SUPT20H: variants seen among roughly 807,000 people sequenced by gnomAD.
SUPT20H encodes the protein transcription factor SPT20 homolog.
In SUPT20H, 82 loss-of-function variants were observed where a neutral mutation model predicts 122.8. The observed-to-expected ratio is 0.67, with a 90% CI of 0.56 to 0.80. SUPT20H has a LOEUF of 0.80. Among genes scored for constraint, SUPT20H ranks in the 30% least tolerant of loss-of-function variants. The pLI is 0.00. For synonymous variants in SUPT20H, 291 were observed against 313.0 expected, an observed-to-expected ratio of 0.93 and a Z score of 0.74; for missense variants, 831 against 921.6, an observed-to-expected ratio of 0.90 and a Z score of 1.27.
At position 37,044,096 on chromosome 13, in the gene SUPT20H, A is replaced by T; in HGVS notation, c.378T>A (p.Asp126Glu). Reference sequence around the variant, plus strand: ...TTTGTACCTGAGATTTTTCTAGGAGATCAACCAAAATAGGAGGTAATTCTT... The same window carrying T: ...TTTGTACCTGAGATTTTTCTAGGAGTTCAACCAAAATAGGAGGTAATTCTT... ...DAEELPPILV[D>E]LLEKSQVNIF... The change falls in exon 7 of 26, where the codon GAT (aspartate) becomes GAA (glutamate). Residue 126 changes from aspartate to glutamate, a missense_variant. Coordinates refer to ENST00000350612, the MANE Select transcript of SUPT20H (RefSeq NM_001014286.3). The T allele has an allele frequency of 6.2e-7, 1 of 1,611,958 alleles. No individual in the cohort carries two copies. The highest frequency in any genetic ancestry group is 8.5e-7 in the Non-Finnish European group (1 of 1,179,040).
intron 9 of SUPT20H, among the ~76,000 whole-genome samples, chr13:37,036,329 T>G (rs1594289916): frequency 6.6e-6 from 1 of 150,434 alleles, no homozygotes; most frequent in East Asian, 2.0e-4. Context: ...AAACTGGAGT[T>G]TTTTTTTTTT....
intron 16 of SUPT20H, 60 bp downstream of exon 16, chr13:37,026,144 T>A: frequency 7.0e-7 from 1 of 1,429,770 alleles, no homozygotes; most frequent in South Asian, 1.2e-5. Context: ...CTCTATCCTA[T>A]AAGGGTGAAA....
At position 37,019,367 on chromosome 13, in the gene SUPT20H, C is replaced by G. The variant is rs2139394235; in HGVS notation, c.1847G>C (p.Ser616Thr). ...GVPFGLKNTSSLRPLNLLQLP... is the reference protein window; with the variant it reads ...GVPFGLKNTSTLRPLNLLQLP... ...CTGGAGTAGATTTAAGGGCCTGAGA[C>G]TTGAAGTATTTTTTAAACCAAATGG... The change falls in exon 22 of 26, where the codon AGT (serine) becomes ACT (threonine). Residue 616 changes from serine to threonine, a missense_variant. Coordinates refer to ENST00000350612, the MANE Select transcript of SUPT20H (RefSeq NM_001014286.3). 2 of 1,603,684 alleles carry G rather than the reference C, an allele frequency of 1.2e-6. No individual in the cohort carries two copies. The highest frequency in any genetic ancestry group is 4.5e-5 in the East Asian group (2 of 44,440).
chr13:37,033,355 G>A (rs138539181), intron 10 of SUPT20H, 94 bp downstream of exon 10: 59 of 1,460,700 alleles, frequency 4.0e-5, no homozygotes, highest in Non-Finnish European at 4.5e-5. Flanking sequence ...CACCAAAATC[G>A]GAGCAACCAT....
At chr13:37,045,108 G>C (rs997307563) in intron 6 of SUPT20H, 139 bp downstream of exon 6, 9 of 1,035,426 alleles carry the variant, frequency 8.7e-6, no homozygotes, top group African/African-American at 5.0e-5. Flanking sequence ...AGAAAACTGG[G>C]ATCAAAATCT....
At chr13:37,041,098 C>G (rs1340112637) in intron 7 of SUPT20H, among the ~76,000 whole-genome samples, 2 of 152,152 alleles carry the variant, frequency 1.3e-5, no homozygotes, top group African/African-American at 4.8e-5. Flanking sequence ...AAATTGCCAA[C>G]CAACCTTGCC....
intron 2 of SUPT20H, among the ~76,000 whole-genome samples, chr13:37,049,510 C>G (rs1345300487): frequency 1.3e-5 from 2 of 152,018 alleles, no homozygotes; most frequent in African/African-American, 4.8e-5. Context: ...GAGGCTGAGG[C>G]GGGAGGATCA....
chr13:37,056,028 T>C (rs904721268), intron 1 of SUPT20H, among the ~76,000 whole-genome samples: 1 of 152,112 alleles, frequency 6.6e-6, no homozygotes, highest in African/African-American at 2.4e-5. Flanking sequence ...TGCTCATCAC[T>C]GGCCATCAGA....
At position 37,034,044 on chromosome 13, in the gene SUPT20H, C is replaced by T. The variant is rs569559414; in HGVS notation, c.568-456G>A. On this transcript the variant is annotated intron_variant, in intron 9 of 25. Transcript: ENST00000350612. Reference sequence around the variant, plus strand: ...GATGTATGTTCTCTGACAGCTTCACCGATCCACCACTCCCCAGTGTGGGAT... The same window carrying T: ...GATGTATGTTCTCTGACAGCTTCACTGATCCACCACTCCCCAGTGTGGGAT... Among the ~76,000 whole-genome samples, 144 of 152,226 alleles carry T rather than the reference C, an allele frequency of 9.5e-4. 1 individual carries two copies. Among genetic ancestry groups the T allele is most frequent in the African/African-American group, 3.0e-3 (124 of 41,554 alleles).
At chr13:37,035,907 C>T (rs1594284136) in intron 9 of SUPT20H, among the ~76,000 whole-genome samples, 1 of 152,344 alleles carries the variant, frequency 6.6e-6, no homozygotes, top group Middle Eastern at 3.4e-3. Context: ...TATACTACTA[C>T]ATAAACTTAG....
intron 23 of SUPT20H, 24 bp downstream of exon 23, chr13:37,017,221 T>G (rs1353192685): frequency 6.2e-7 from 1 of 1,613,928 alleles, no homozygotes; most frequent in African/African-American, 1.3e-5. Flanking sequence ...TGTAAAAGCA[T>G]ATGGAAGGCT....
Position 37,040,617 on chromosome 13 carries a change from C to T in SUPT20H, c.472G>A (p.Gly158Ser), listed in dbSNP as rs776425490. The T allele has an allele frequency of 6.2e-7, 1 of 1,614,038 alleles. No homozygotes were observed. Among genetic ancestry groups the T allele is most frequent in the South Asian group, 1.1e-5 (1 of 91,070 alleles). Residue 158 changes from glycine (G) to serine (S), a missense_variant, in exon 8 of 26, where the codon GGT becomes AGT. By Grantham distance (56) the Gly-to-Ser change is moderately conservative. Coordinates refer to ENST00000350612, the MANE Select transcript of SUPT20H (RefSeq NM_001014286.3). The part of the protein sequence containing the change: ...YRQSSNMKSP[G>S]YQSRHILLRP... ...AAGAGAATGTGCCGACTTTGGTAAC[C>T]AGGAGATTTCATGTTACTGGACTGC... is the stretch of plus-strand genomic sequence containing the variant.
At chr13:37,058,847 A>G (rs998161693) in intron 1 of SUPT20H, among the ~76,000 whole-genome samples, 7 of 152,194 alleles carry the variant, frequency 4.6e-5, no homozygotes, top group Non-Finnish European at 8.8e-5. Flanking sequence ...TCAGAGACGA[A>G]TATGTATTTC....
chr13:37,030,330 T>C (rs2063073493), intron 12 of SUPT20H, among the ~76,000 whole-genome samples: 2 of 152,182 alleles, frequency 1.3e-5, no homozygotes, highest in South Asian at 2.1e-4. Context: ...CTTGACCATA[T>C]ATTCTGTACA....
chr13:37,048,192 G>A (rs1226298628), intron 3 of SUPT20H, among the ~76,000 whole-genome samples: 1 of 152,082 alleles, frequency 6.6e-6, no homozygotes, highest in Non-Finnish European at 1.5e-5. Context: ...TCACAGGTCA[G>A]AAATATTATC....
rs772535174 is a variant in SUPT20H at position 37,047,858 on chromosome 13, T to A, written c.98+20A>T. The stretch of plus-strand genomic sequence containing the variant: ...TCATATTTCAATGAATCTAAGATGT[T>A]ACCAATTAATTATTCATACCTTCCA... On this transcript the variant is annotated intron_variant, in intron 4 of 25. Coordinates refer to ENST00000350612, the MANE Select transcript of SUPT20H (RefSeq NM_001014286.3). 2 of 1,594,934 alleles carry A rather than the reference T, an allele frequency of 1.3e-6. No homozygotes were observed. The highest frequency in any genetic ancestry group is 2.3e-5 in the South Asian group (2 of 88,300).
intron 22 of SUPT20H, among the ~76,000 whole-genome samples, chr13:37,017,732 A>G (rs539903669): frequency 6.6e-6 from 1 of 152,336 alleles, no homozygotes; most frequent in East Asian, 1.9e-4. Context: ...TCAGAAATGT[A>G]TACTACGAAA....
rs769295103 is a variant in SUPT20H, at chr13:37,047,889, T to C, written c.87A>G (p.Leu29=). 1.3e-5 allele frequency: 21 copies of C among 1,604,584 alleles called. No individual in the cohort carries two copies. Among genetic ancestry groups the C allele is most frequent in the African/African-American group, 6.7e-5 (5 of 74,530 alleles). ...ARQRPPKRKY[L]SSGRKSVFQK... ...TTAATTATTCATACCTTCCACTTGA[T>C]AGGTATTTCCTTTTAGGAGGTCTCT... The change falls in exon 4 of 26, where the codon CTA becomes CTG. Residue 29 remains leucine, a synonymous_variant. Transcript: ENST00000350612.
intron 5 of SUPT20H, chr13:37,047,324 A>G (rs2066666915): frequency 7.6e-6 from 3 of 392,834 alleles, no homozygotes; most frequent in Admixed American, 5.2e-5. Context: ...GATACTCAAT[A>G]TAACTGTTCC....
Sources: allele counts gnomAD v4.1 joint callset (sites outside exome capture counted in the v4.1 genomes callset), GRCh38; gene constraint gnomAD v4.1.1; transcripts MANE v1.5; gene names NCBI Gene and HGNC (gene_info 2026-07-23, HGNC 2026-07-21).